The following ECE1 variants were observed in gnomAD, a reference collection of about 807,000 sequenced individuals.
ECE1 encodes the protein endothelin-converting enzyme 1.
In ECE1, 35 loss-of-function variants were observed where a neutral mutation model predicts 98.6. The observed-to-expected ratio is 0.35, with a 90% CI of 0.27 to 0.47. The LOEUF (loss-of-function observed/expected upper bound fraction) is 0.47, where lower values mean the gene tolerates loss of function less well. Ranked by LOEUF, ECE1 falls within the 20% of genes least tolerant of loss-of-function variation. ECE1 has a pLI of 1.00. For missense variants in ECE1, 814 were observed against 1,025.3 expected (o/e 0.79, Z 2.81); for synonymous variants, 394 against 407.1 (o/e 0.97, Z 0.39).
At chr1:21,281,122 G>A (rs900026209) in intron 2 of ECE1, among the ~76,000 whole-genome samples, 30 of 152,118 alleles carry the variant, frequency 2.0e-4, no homozygotes, top group African/African-American at 5.8e-4. Context: ...CCCGGGAGGC[G>A]GAGGTTGCAG....
At chr1:21,226,827 A>C (rs2098174913) in intron 16 of ECE1, among the ~76,000 whole-genome samples, 1 of 151,982 alleles carries the variant, frequency 6.6e-6, no homozygotes, top group South Asian at 2.1e-4. Context: ...CCAGATTCAA[A>C]CGATTTTCCT....
Position 21,219,693 on chromosome 1 carries a change from T to G in ECE1, c.*262A>C. On this transcript the variant is annotated 3_prime_UTR_variant, in exon 19 of 19. Coordinates refer to ENST00000374893, the MANE Select transcript of ECE1 (RefSeq NM_001397.3). This position sits in a 1 kb window ranked among gnomAD's most constrained non-coding sequence, Gnocchi z 4.5. ...CGCTTGTCAGTGTGGGGCCCAGGCCTGATGAGCCACCAGCCCAGCACCCGA... is the reference window on the plus strand; with the variant it reads ...CGCTTGTCAGTGTGGGGCCCAGGCCGGATGAGCCACCAGCCCAGCACCCGA... 1 of 540,342 alleles carries G rather than the reference T, an allele frequency of 1.9e-6. No homozygotes were observed. Among genetic ancestry groups the G allele is most frequent in the Non-Finnish European group, 3.4e-6 (1 of 297,552 alleles). 33.5% of individuals were successfully genotyped at this position (540,342 alleles called of 1,614,324 possible).
At chr1:21,320,587 C>T (rs1248763763) in intron 1 of ECE1, among the ~76,000 whole-genome samples, 1 of 152,154 alleles carries the variant, frequency 6.6e-6, no homozygotes, top group Non-Finnish European at 1.5e-5. Flanking sequence ...TATGGTATGC[C>T]ATCATCCTTC....
intron 2 of ECE1, among the ~76,000 whole-genome samples, chr1:21,281,168 C>T (rs556434422): frequency 6.6e-5 from 10 of 151,164 alleles, no homozygotes; most frequent in Non-Finnish European, 1.3e-4. Flanking sequence ...CCAGCCTGGG[C>T]GACAGAGCAA....
rs1453252665 is a variant in ECE1 at position 21,340,928 on chromosome 1, C to T, written c.3+4448G>A. On this transcript the variant is annotated intron_variant, in intron 1 of 18. Transcript: ENST00000415912. The surrounding 1 kb of genome is among the most constrained non-coding windows in gnomAD (Gnocchi z 4.6). ...CCCCAGGTCCTTCATATGACCATCC[C>T]TGAGTGCACCCTCCGGGCCACCTCC... Among the ~76,000 whole-genome samples the T allele has an allele frequency of 2.2e-5, 2 of 90,446 alleles. No individual in the cohort carries two copies. Among genetic ancestry groups the T allele is most frequent in the African/African-American group, 1.6e-4 (2 of 12,778 alleles). The allele number at this position is 90,446 out of a possible 152,430, so 59.3% of individuals were successfully genotyped here.
intron 4 of ECE1, among the ~76,000 whole-genome samples, chr1:21,263,361 A>T (rs2774029): frequency 0.18 from 22,734 of 128,140 alleles, 2,634 homozygotes; most frequent in East Asian, 0.34. Flanking sequence ...TTTTATATTT[A>T]TTTTTTTTTT....
At position 21,260,229 on chromosome 1, in the gene ECE1, G is replaced by A; in HGVS notation, c.615+42C>T. ...GTGGAAGCCAGGGGGCGGGCAGGTGGCATGGGCCGGGGCTTGGGGAGGGAG... is the reference window on the plus strand; with the variant it reads ...GTGGAAGCCAGGGGGCGGGCAGGTGACATGGGCCGGGGCTTGGGGAGGGAG... On this transcript the variant is annotated intron_variant, in intron 5 of 18. Coordinates refer to ENST00000374893, the MANE Select transcript of ECE1 (RefSeq NM_001397.3). The surrounding 1 kb of genome is among the most constrained non-coding windows in gnomAD (Gnocchi z 4.3). The A allele has an allele frequency of 1.9e-6, 3 of 1,614,042 alleles. No individual in the cohort carries two copies. Among genetic ancestry groups the A allele is most frequent in the South Asian group, 2.2e-5 (2 of 91,090 alleles).
At position 21,307,699 on chromosome 1, in the gene ECE1, C is replaced by A. The variant is rs996257786; in HGVS notation, c.4-17543G>T. Among the ~76,000 whole-genome samples, 7 of 152,238 alleles carry A rather than the reference C, an allele frequency of 4.6e-5. No homozygotes were observed. Among genetic ancestry groups the A allele is most frequent in the African/African-American group, 1.7e-4 (7 of 41,540 alleles). On this transcript the variant is annotated intron_variant, in intron 1 of 18. Coordinates refer to the ECE1 transcript ENST00000415912. This position sits in a 1 kb window ranked among gnomAD's most constrained non-coding sequence, Gnocchi z 4.2. ...GGAAGCTCTGCCTGGCTGGCAAGAC[C>A]AGACCTGTTGTGGCGGCCAGGCTGT...
At chr1:21,344,550 A>G (rs1199134124) in intron 1 of ECE1, among the ~76,000 whole-genome samples, 1 of 152,140 alleles carries the variant, frequency 6.6e-6, no homozygotes, top group African/African-American at 2.4e-5. Flanking sequence ...CTTGGGGTCC[A>G]GGGACAATGC....
rs1639380872 is a variant in ECE1 at position 21,340,641 on chromosome 1, C to A, written c.3+4735G>T. Among the ~76,000 whole-genome samples, 1 of 152,066 alleles carries A rather than the reference C, an allele frequency of 6.6e-6. No individual in the cohort carries two copies. The highest frequency in any genetic ancestry group is 2.1e-4 in the South Asian group (1 of 4,828). On this transcript the variant is annotated intron_variant, in intron 1 of 18. Coordinates refer to the ECE1 transcript ENST00000415912. The surrounding 1 kb of genome is among the most constrained non-coding windows in gnomAD (Gnocchi z 4.6). Reference sequence around the variant, plus strand: ...ATCACTTGAGGTCAGCAGTCCAAGACCAGCCTGGGCAACATGGCGAAACCC... The same window carrying A: ...ATCACTTGAGGTCAGCAGTCCAAGAACAGCCTGGGCAACATGGCGAAACCC...
chr1:21,255,037 C>T (rs943342046), intron 8 of ECE1, among the ~76,000 whole-genome samples: 3 of 152,326 alleles, frequency 2.0e-5, no homozygotes, highest in South Asian at 4.1e-4. Context: ...TGGTGTCCCC[C>T]ACTAGCCAGG....
At chr1:21,231,454 G>A (rs938994077) in intron 14 of ECE1, among the ~76,000 whole-genome samples, 1 of 151,766 alleles carries the variant, frequency 6.6e-6, no homozygotes, top group African/African-American at 2.4e-5. Context: ...CGATTCTCCT[G>A]CCTCAGGCTC....
At position 21,258,594 on chromosome 1, in the gene ECE1, C is replaced by G; in HGVS notation, c.762+99G>C. On this transcript the variant is annotated intron_variant, in intron 6 of 18. Coordinates refer to ENST00000374893, the MANE Select transcript of ECE1 (RefSeq NM_001397.3). This position sits in a 1 kb window ranked among gnomAD's most constrained non-coding sequence, Gnocchi z 4.2. ...CAGAAACTAGAAGACCGCCGTCCCACCCAGGGCAAGCCCCTCTCCCACCCC... is the reference window on the plus strand; with the variant it reads ...CAGAAACTAGAAGACCGCCGTCCCAGCCAGGGCAAGCCCCTCTCCCACCCC... 8.9e-7 allele frequency: 1 copy of G among 1,120,426 alleles called. No individual in the cohort carries two copies. The highest frequency in any genetic ancestry group is 2.2e-4 in the Middle Eastern group (1 of 4,642). 69.4% of individuals were successfully genotyped at this position (1,120,426 alleles called of 1,614,324 possible). A position where few individuals can be genotyped will look rare whatever the true frequency, so the allele number is the denominator to read the frequency against.
chr1:21,256,412 T>G (rs2098220030), intron 7 of ECE1, among the ~76,000 whole-genome samples: 1 of 152,082 alleles, frequency 6.6e-6, no homozygotes, highest in Non-Finnish European at 1.5e-5. Flanking sequence ...AAAAATTAGC[T>G]GAGCATAGTG....
At position 21,307,959 on chromosome 1, in the gene ECE1, C is replaced by A. The variant is rs1263804952; in HGVS notation, c.4-17803G>T. Among the ~76,000 whole-genome samples, 2 of 152,140 alleles carry A rather than the reference C, an allele frequency of 1.3e-5. No individual in the cohort carries two copies. Among genetic ancestry groups the A allele is most frequent in the African/African-American group, 2.4e-5 (1 of 41,424 alleles). On this transcript the variant is annotated intron_variant, in intron 1 of 18. Coordinates refer to the ECE1 transcript ENST00000415912. The surrounding 1 kb of genome is among the most constrained non-coding windows in gnomAD (Gnocchi z 4.2). ...CAGTTTTGCTGCGATCCCAATGGGT[C>A]ACACGCCTTCTGGATCCCCCCAGAA...
intron 1 of ECE1, among the ~76,000 whole-genome samples, chr1:21,326,218 G>C (rs192880408): frequency 6.6e-6 from 1 of 152,150 alleles, no homozygotes; most frequent in Non-Finnish European, 1.5e-5. Context: ...ATACCCATGC[G>C]GGGGAGGGTG....
chr1:21,219,869 C>G lies in ECE1; in HGVS notation c.*86G>C. 6.4e-7 allele frequency: 1 copy of G among 1,568,142 alleles called. No homozygotes were observed. ...GGAAGCAGGGCCCCGGGTGGCCAAG[C>G]GGGCTGAGCAATGCCCTGGAGGCTG... On this transcript the variant is annotated 3_prime_UTR_variant, in exon 19 of 19. Coordinates refer to ENST00000374893, the MANE Select transcript of ECE1 (RefSeq NM_001397.3). The surrounding 1 kb of genome is among the most constrained non-coding windows in gnomAD (Gnocchi z 4.5).
intron 1 of ECE1, among the ~76,000 whole-genome samples, chr1:21,318,365 G>T (rs1279207506): frequency 6.6e-6 from 1 of 152,110 alleles, no homozygotes; most frequent in East Asian, 1.9e-4. Context: ...TTGGGTTTCA[G>T]GTCATGACGC....
rs1452632235 is a variant in ECE1 at position 21,225,334 on chromosome 1, G to A, written c.1956C>T (p.Tyr652=). 1.2e-6 allele frequency: 2 copies of A among 1,614,134 alleles called. No individual in the cohort carries two copies. The highest frequency in any genetic ancestry group is 1.7e-6 in the Non-Finnish European group (2 of 1,180,046). The part of the protein sequence containing the change: ...TECMVEQYSN[Y]SVNGEPVNGR... ...CGTTCACCGGCTCCCCGTTCACGCT[G>A]TAGTTGCTGTACTGCTCTACCATGC... Residue 652 remains tyrosine, a synonymous_variant, in exon 17 of 19, where the codon TAC becomes TAT. Transcript: ENST00000374893. The surrounding 1 kb of genome is among the most constrained non-coding windows in gnomAD (Gnocchi z 5.3).
Sources: gnomAD v4.1 joint callset for allele counts (sites outside exome capture counted in the v4.1 genomes callset) on GRCh38, gnomAD v4.1.1 for gene constraint, Gnocchi (gnomAD v3.1) non-coding constraint, MANE v1.5 for transcripts, NCBI Gene and HGNC (gene_info 2026-07-23, HGNC 2026-07-21) for gene names.